EPHA3: variants seen among roughly 807,000 people sequenced by gnomAD.
EPHA3 encodes EPH receptor A3, also known as ephrin type-A receptor 3.
In EPHA3, 42 loss-of-function variants were observed where a neutral mutation model predicts 107.1. That is an observed-to-expected ratio of 0.39 (90% CI 0.31 to 0.51). EPHA3 has a LOEUF of 0.51. Ranked by LOEUF, EPHA3 falls within the 20% of genes least tolerant of loss-of-function variation. The probability of loss-of-function intolerance (pLI) is 0.78; values close to 1 mark genes in which losing one functional copy is unlikely to be tolerated. For synonymous variants in EPHA3, 461 were observed against 424.8 expected, an observed-to-expected ratio of 1.09 and a Z score of -1.05; for missense variants, 1,183 against 1,211.2, an observed-to-expected ratio of 0.98 and a Z score of 0.35.
At chr3:89,337,597 C>T (rs1707423379) in intron 3 of EPHA3, among the ~76,000 whole-genome samples, 1 of 152,186 alleles carries the variant, frequency 6.6e-6, no homozygotes, top group African/African-American at 2.4e-5. Context: ...TGGTTAAAGC[C>T]TATCAGCTAG....
intron 5 of EPHA3, among the ~76,000 whole-genome samples, chr3:89,348,582 A>T (rs1707730713): frequency 1.4e-5 from 2 of 141,424 alleles, no homozygotes; most frequent in African/African-American, 5.7e-5. Flanking sequence ...GGATTCATTG[A>T]TTTTTTGAAT....
At chr3:89,134,023 CA>C (rs1704258947) in intron 2 of EPHA3, among the ~76,000 whole-genome samples, 1 of 137,512 alleles carries the variant, frequency 7.3e-6, no homozygotes, top group African/African-American at 2.8e-5. Context: ...TTCAAAACAA[CA>C]TTTTTTTTTT....
At chr3:89,459,817 C>A (rs1404611908) in intron 15 of EPHA3, among the ~76,000 whole-genome samples, 1 of 152,052 alleles carries the variant, frequency 6.6e-6, no homozygotes, top group African/African-American at 2.4e-5. Context: ...GCCACCACAT[C>A]CAGCCCAAAG....
intron 5 of EPHA3, among the ~76,000 whole-genome samples, chr3:89,358,447 C>A (rs946550715): frequency 1.3e-5 from 2 of 150,944 alleles, no homozygotes; most frequent in African/African-American, 2.4e-5. Flanking sequence ...ATTGACTAAG[C>A]CCTTAGTATG....
chr3:89,291,918 C>T (rs1355612928), intron 3 of EPHA3, among the ~76,000 whole-genome samples: 3 of 152,144 alleles, frequency 2.0e-5, no homozygotes, highest in African/African-American at 7.2e-5. Context: ...ATGGTAGCAT[C>T]AATGTCTAGG....
chr3:89,157,291 C>T (rs1704828658), intron 2 of EPHA3, among the ~76,000 whole-genome samples: 1 of 151,928 alleles, frequency 6.6e-6, no homozygotes, highest in South Asian at 2.1e-4. Context: ...AATTCAATTG[C>T]CAGATATTCC....
At chr3:89,297,967 G>A (rs1158162293) in intron 3 of EPHA3, among the ~76,000 whole-genome samples, 6 of 152,080 alleles carry the variant, frequency 3.9e-5, no homozygotes, top group South Asian at 2.1e-4. Flanking sequence ...CCTGGGAGGC[G>A]GAGGTTGCAG....
At chr3:89,142,081 G>A (rs1704444331) in intron 2 of EPHA3, among the ~76,000 whole-genome samples, 1 of 151,162 alleles carries the variant, frequency 6.6e-6, no homozygotes, top group Non-Finnish European at 1.5e-5. Context: ...TATGCTATTT[G>A]CTATCTAAAA....
chr3:89,286,257 C>T (rs1029517354), intron 3 of EPHA3, among the ~76,000 whole-genome samples: 3 of 150,662 alleles, frequency 2.0e-5, no homozygotes, highest in East Asian at 2.0e-4. Flanking sequence ...AGGAGTAGAG[C>T]GTGGGACAAG....
chr3:89,407,772 A>G (rs879805608), intron 8 of EPHA3, among the ~76,000 whole-genome samples: 7 of 152,130 alleles, frequency 4.6e-5, no homozygotes, highest in Non-Finnish European at 1.0e-4. Flanking sequence ...TCCTTCTAAC[A>G]GAAGTTGTTA....
chr3:89,136,330 C>CTTTTGTTTTTTTTTTTTT (rs1704310011), intron 2 of EPHA3, among the ~76,000 whole-genome samples: 2 of 23,370 alleles, frequency 8.6e-5, no homozygotes, highest in Non-Finnish European at 1.6e-4. Context: ...ATCTTACAGG[C>CTTTTGTTTTTTTTTTTTT]TTTTTTTTTT....
rs531215072 is a variant in EPHA3, at chr3:89,127,069, A to T, written c.89-140A>T. On this transcript the variant is annotated intron_variant, in intron 1 of 16. Transcript: ENST00000336596. ...TATTTTTTGTAATTTCCTTCTTTTT[A>T]TCCTAATTATAGACTTATAATGAGA... The T allele has an allele frequency of 2.7e-5, 17 of 639,738 alleles. No homozygotes were observed. In the South Asian group the frequency reaches 3.2e-4, roughly 12 times the overall value. The allele number at this position is 639,738 out of a possible 1,614,324, so 39.6% of individuals were successfully genotyped here.
intron 3 of EPHA3, among the ~76,000 whole-genome samples, chr3:89,339,054 G>A (rs1272071398): frequency 6.6e-6 from 1 of 152,138 alleles, no homozygotes; most frequent in South Asian, 2.1e-4. Flanking sequence ...TAAAGGATAC[G>A]TAGGCACATA....
intron 3 of EPHA3, among the ~76,000 whole-genome samples, chr3:89,265,050 A>G (rs1177046927): frequency 6.6e-6 from 1 of 152,194 alleles, no homozygotes; most frequent in Non-Finnish European, 1.5e-5. Context: ...TAAAAATTTT[A>G]ACATATCCTT....
intron 3 of EPHA3, among the ~76,000 whole-genome samples, chr3:89,227,419 C>G (rs971573143): frequency 6.6e-6 from 1 of 152,074 alleles, no homozygotes; most frequent in Non-Finnish European, 1.5e-5. Context: ...GGTCTCTAAT[C>G]CCTCATGGAT....
chr3:89,126,236 T>A (rs1471267831), intron 1 of EPHA3, among the ~76,000 whole-genome samples: 1 of 151,742 alleles, frequency 6.6e-6, no homozygotes, highest in Non-Finnish European at 1.5e-5. Flanking sequence ...TTCCTTCACA[T>A]CCTCCATTAG....
chr3:89,472,196 G>C (rs1156989682), intron 15 of EPHA3, among the ~76,000 whole-genome samples: 1 of 152,114 alleles, frequency 6.6e-6, no homozygotes, highest in Non-Finnish European at 1.5e-5. Context: ...AATATGTATG[G>C]ATATATTTAT....
At chr3:89,407,995 C>A in intron 8 of EPHA3, 72 bp from the exon 9 acceptor site, 2 of 1,365,054 alleles carry the variant, frequency 1.5e-6, no homozygotes, top group Non-Finnish European at 2.0e-6. Context: ...TTATGCTTTG[C>A]ACATTCTGAG....
chr3:89,182,912 A>C (rs978208115), intron 2 of EPHA3, among the ~76,000 whole-genome samples: 1 of 151,946 alleles, frequency 6.6e-6, no homozygotes, highest in Non-Finnish European at 1.5e-5. Context: ...TGTTACTAAA[A>C]TATTTTGAAT....
Sources: gnomAD v4.1 joint callset for allele counts (sites outside exome capture counted in the v4.1 genomes callset) on GRCh38, gnomAD v4.1.1 for gene constraint, MANE v1.5 for transcripts, NCBI Gene and HGNC (gene_info 2026-07-23, HGNC 2026-07-21) for gene names.